EPB41L4A: variants seen among roughly 807,000 people sequenced by gnomAD.
EPB41L4A encodes the protein erythrocyte membrane protein band 4.1 like 4A, also known as band 4.1-like protein 4A.
A neutral mutation model predicts 108.6 loss-of-function variants in EPB41L4A; 100 were observed. The observed-to-expected ratio is 0.92, with a 90% confidence interval of 0.78 to 1.09. The LOEUF (loss-of-function observed/expected upper bound fraction) is 1.09. Among genes scored for constraint, EPB41L4A ranks in the 50% least tolerant of loss-of-function variants. The pLI is 0.00. For synonymous variants in EPB41L4A, 319 were observed against 289.0 expected, an observed-to-expected ratio of 1.10 and a Z score of -1.05; for missense variants, 1,030 against 842.7, an observed-to-expected ratio of 1.22 and a Z score of -2.75.
intron 1 of EPB41L4A, among the ~76,000 whole-genome samples, chr5:112,327,689 G>C (rs927103164): frequency 6.6e-6 from 1 of 152,098 alleles, no homozygotes; most frequent in Non-Finnish European, 1.5e-5. Context: ...TTGCACTCCA[G>C]CTTGGGTGAC....
intron 1 of EPB41L4A, among the ~76,000 whole-genome samples, chr5:112,418,235 A>C (rs1307633801): frequency 6.6e-6 from 1 of 152,226 alleles, no homozygotes; most frequent in Non-Finnish European, 1.5e-5. Flanking sequence ...TGTCACTACA[A>C]ACATACGTAC....
Position 112,240,732 on chromosome 5 carries a change from G to T in EPB41L4A, c.874C>A (p.His292Asn). The T allele has an allele frequency of 6.5e-7, 1 of 1,546,876 alleles. No homozygotes were observed. The highest frequency in any genetic ancestry group is 1.3e-5 in the South Asian group (1 of 78,814). Residue 292 changes from histidine to asparagine, a missense_variant, in exon 10 of 23, where the codon CAT (histidine) becomes AAT (asparagine). Transcript: ENST00000261486. ...KHLWKCSVEH[H>N]TFFRMPENES... Reference sequence around the variant, plus strand: ...ACATCAATTTACCTAAAAAATGTATGATGTTCCACACTGCACTTCCAGAGG... The same window carrying T: ...ACATCAATTTACCTAAAAAATGTATTATGTTCCACACTGCACTTCCAGAGG...
At chr5:112,381,183 T>C (rs1760155862) in intron 1 of EPB41L4A, among the ~76,000 whole-genome samples, 1 of 152,222 alleles carries the variant, frequency 6.6e-6, no homozygotes, top group South Asian at 2.1e-4. Flanking sequence ...TCCTCAGATA[T>C]ACTCAAGTCT....
intron 4 of EPB41L4A, among the ~76,000 whole-genome samples, chr5:112,269,143 TC>T (rs1287903681): frequency 6.6e-6 from 1 of 151,984 alleles, no homozygotes; most frequent in Non-Finnish European, 1.5e-5. Flanking sequence ...CAGACAAAAT[TC>T]TAAAAACTGG....
intron 1 of EPB41L4A, among the ~76,000 whole-genome samples, chr5:112,377,215 G>GAAAAAAAAA (rs576720562): frequency 2.5e-4 from 25 of 101,720 alleles, no homozygotes; most frequent in South Asian, 6.7e-4. Context: ...CTGTTTGTTT[G>GAAAAAAAAA]AAAAAAAAAA....
At chr5:112,194,327 AACACACAC>A (rs143519632) in intron 17 of EPB41L4A, among the ~76,000 whole-genome samples, 17 of 151,040 alleles carry the variant, frequency 1.1e-4, no homozygotes, top group African/African-American at 4.1e-4. Flanking sequence ...CATCTTTTAA[AACACACAC>A]ACACACACAC....
intron 15 of EPB41L4A, 118 bp from the exon 16 acceptor site, chr5:112,195,826 CCAAA>C: frequency 1.1e-6 from 1 of 871,780 alleles, no homozygotes; most frequent in South Asian, 1.5e-5. Context: ...CATTCATTTG[CCAAA>C]CATTTACGTC....
chr5:112,418,293 T>C (rs1336142342), intron 1 of EPB41L4A, among the ~76,000 whole-genome samples: 1 of 152,208 alleles, frequency 6.6e-6, no homozygotes, highest in Non-Finnish European at 1.5e-5. Flanking sequence ...TCTGCTGCCT[T>C]TTTGTTTGGG....
chr5:112,339,977 C>T (rs541667648), intron 1 of EPB41L4A, among the ~76,000 whole-genome samples: 3 of 152,108 alleles, frequency 2.0e-5, no homozygotes, highest in Non-Finnish European at 4.4e-5. Flanking sequence ...TAATCACTCA[C>T]GTCATGTCAC....
At position 112,258,817 on chromosome 5, in the gene EPB41L4A, A is replaced by G. The variant is rs542317139; in HGVS notation, c.795+412T>C. On this transcript the variant is annotated intron_variant, in intron 9 of 22. Transcript: ENST00000261486. ...TCACACTCAATGAGGAAAAGAGCAG[A>G]AGTAAGACTCCCAAAAGGTTGTTTA... 2.0e-5 allele frequency among the ~76,000 whole-genome samples: 3 copies of G among 152,330 alleles called. No individual in the cohort carries two copies. In the South Asian group the frequency reaches 6.2e-4, roughly 32 times the overall value.
chr5:112,333,417 C>T (rs747605095), intron 1 of EPB41L4A, among the ~76,000 whole-genome samples: 2 of 152,238 alleles, frequency 1.3e-5, no homozygotes, highest in African/African-American at 4.8e-5. Context: ...AGCCAGTCTC[C>T]GATGGAAGGA....
intron 4 of EPB41L4A, among the ~76,000 whole-genome samples, chr5:112,267,406 C>CA (rs1191930424): frequency 6.6e-6 from 1 of 152,218 alleles, no homozygotes; most frequent in African/African-American, 2.4e-5. Context: ...TGTTAGATAT[C>CA]AGACACCACA....
intron 12 of EPB41L4A, among the ~76,000 whole-genome samples, chr5:112,227,309 T>C (rs923973897): frequency 6.6e-6 from 1 of 152,138 alleles, no homozygotes; most frequent in Non-Finnish European, 1.5e-5. Context: ...TCATCCTTTG[T>C]ATATGAAGTT....
chr5:112,189,973 C>A (rs1012171916), intron 17 of EPB41L4A, among the ~76,000 whole-genome samples: 2 of 152,220 alleles, frequency 1.3e-5, no homozygotes, highest in Admixed American at 1.3e-4. Context: ...CTTCATCCTA[C>A]ACCCTGGGCA....
At chr5:112,298,118 T>C (rs1404758001) in intron 2 of EPB41L4A, among the ~76,000 whole-genome samples, 1 of 152,204 alleles carries the variant, frequency 6.6e-6, no homozygotes, top group Admixed American at 6.5e-5. Flanking sequence ...AGGCTCTTTT[T>C]TGGTTCCATA....
At chr5:112,343,490 A>G (rs1464091626) in intron 1 of EPB41L4A, among the ~76,000 whole-genome samples, 1 of 152,186 alleles carries the variant, frequency 6.6e-6, no homozygotes, top group Non-Finnish European at 1.5e-5. Flanking sequence ...TAAAGTACTT[A>G]GCGAGTTCCC....
chr5:112,383,860 T>A lies in EPB41L4A; in HGVS notation c.99+35081A>T, dbSNP rs184869329. On this transcript the variant is annotated intron_variant, in intron 1 of 22. Transcript: ENST00000261486. ...GGACAAAAAGTTATCTGTCAATAAA[T>A]AAACAATTTCCATTTGTATATCTCA... is the stretch of plus-strand genomic sequence containing the variant. Among the ~76,000 whole-genome samples the A allele has an allele frequency of 7.2e-5, 11 of 152,222 alleles. No homozygotes were observed. The East Asian group carries it at 2.1e-3, about 29-fold the overall frequency.
chr5:112,263,229 T>A (rs1041372888), intron 6 of EPB41L4A, among the ~76,000 whole-genome samples: 1 of 152,146 alleles, frequency 6.6e-6, no homozygotes, highest in Non-Finnish European at 1.5e-5. Flanking sequence ...TAAATATGCA[T>A]GTGCAAGCGA....
At chr5:112,363,087 A>T (rs1460566511) in intron 1 of EPB41L4A, among the ~76,000 whole-genome samples, 1 of 152,116 alleles carries the variant, frequency 6.6e-6, no homozygotes, top group Admixed American at 6.5e-5. Context: ...AAGGCTTGAA[A>T]ATGTCCTGTA....
Sources: gnomAD v4.1 joint callset for allele counts (sites outside exome capture counted in the v4.1 genomes callset) on GRCh38, gnomAD v4.1.1 for gene constraint, MANE v1.5 for transcripts, NCBI Gene and HGNC (gene_info 2026-07-23, HGNC 2026-07-21) for gene names.